CARS1: variants seen among roughly 807,000 people sequenced by gnomAD.
The protein encoded by CARS1 is cysteine--tRNA ligase, cytoplasmic.
In CARS1, 48 loss-of-function variants were observed where a neutral mutation model predicts 106.2. That is an observed-to-expected ratio of 0.45 (90% CI 0.36 to 0.57). The LOEUF is 0.57. Ranked by LOEUF, CARS1 falls within the 20% of genes least tolerant of loss-of-function variation. The pLI, the probability that CARS1 is intolerant of heterozygous loss-of-function variation, is 0.00. For missense variants in CARS1, 968 were observed against 1,057.2 expected (o/e 0.92, Z 1.17); for synonymous variants, 409 against 403.4 (o/e 1.01, Z -0.17).
chr11:3,024,449 A>ATT (rs144630252), intron 10 of CARS1, among the ~76,000 whole-genome samples: 2,272 of 151,314 alleles, frequency 0.015, 42 homozygotes, highest in African/African-American at 0.043. Flanking sequence ...TAAAAAAAAA[A>ATT]TTTTTTTAAT....
intron 18 of CARS1, among the ~76,000 whole-genome samples, chr11:3,010,990 T>TTAGCACAGCAGGTGATGGAG (rs1263224360): frequency 2.6e-5 from 4 of 152,142 alleles, no homozygotes; most frequent in African/African-American, 9.7e-5. Flanking sequence ...GGAGGGAGAA[T>TTAGCACAGCAGGTGATGGAG]TAGCACAGCA....
In CARS1 at chr11:3,018,502, A is replaced by T; in HGVS notation, c.1535T>A (p.Leu512Ter). 6.2e-7 allele frequency: 1 copy of T among 1,614,064 alleles called. No individual in the cohort carries two copies. Among genetic ancestry groups the T allele is most frequent in the Non-Finnish European group, 8.5e-7 (1 of 1,179,924 alleles). Residue 512 changes from leucine (L) to a stop codon, truncating the protein, a stop_gained, in exon 14 of 23, where the codon TTG becomes TAG. Coordinates refer to ENST00000380525, the MANE Select transcript of CARS1 (RefSeq NM_001014437.3). LOFTEE classifies it high-confidence loss of function. Reference sequence around the variant, plus strand: ...CGAGTGCATGAGGAAGGCCAGCCGCAACTGCCGTGCTGTGGGGGGACACAA... The same window carrying T: ...CGAGTGCATGAGGAAGGCCAGCCGCTACTGCCGTGCTGTGGGGGGACACAA... ...DALKKHSARQ[L>*]RLAFLMHSWK...
In CARS1 at chr11:3,038,170, C is replaced by A; in HGVS notation, c.681G>T (p.Thr227=). 1 of 1,614,032 alleles carries A rather than the reference C, an allele frequency of 6.2e-7. No homozygotes were observed. Among genetic ancestry groups the A allele is most frequent in the Non-Finnish European group, 8.5e-7 (1 of 1,179,948 alleles). The change falls in exon 7 of 23, where the codon ACG becomes ACT. Residue 227 remains threonine, a synonymous_variant. Transcript: ENST00000380525. This position sits in a 1 kb window ranked among gnomAD's most constrained non-coding sequence, Gnocchi z 4.0. ...KPFSVKLNET[T]DPDKKQMLER... Reference sequence around the variant, plus strand: ...CGAGCATCTGCTTTTTATCGGGATCCGTGGTCTCATTTAATTTTACTGAAA... The same window carrying A: ...CGAGCATCTGCTTTTTATCGGGATCAGTGGTCTCATTTAATTTTACTGAAA...
rs760222224 is a variant in CARS1 at position 3,017,312 on chromosome 11, A to T, written c.1728-17T>A. On this transcript the variant is annotated splice_polypyrimidine_tract_variant and intron_variant, in intron 15 of 22. Coordinates refer to ENST00000380525, the MANE Select transcript of CARS1 (RefSeq NM_001014437.3). The surrounding 1 kb of genome is among the most constrained non-coding windows in gnomAD (Gnocchi z 4.9). ...TCATAAAAGCTGAGCAACAAAGAGG[A>T]AGGAATGTGAAGTCAGACCTGAAAA... 1.2e-6 allele frequency: 2 copies of T among 1,606,112 alleles called. No homozygotes were observed. The highest frequency in any genetic ancestry group is 1.7e-6 in the Non-Finnish European group (2 of 1,173,542).
At position 3,028,011 on chromosome 11, in the gene CARS1, C is replaced by G; in HGVS notation, c.1031+985G>C. 3 of 362,920 alleles carry G rather than the reference C, an allele frequency of 8.3e-6. No individual in the cohort carries two copies. Among genetic ancestry groups the G allele is most frequent in the Non-Finnish European group, 1.7e-5 (3 of 179,870 alleles). 22.5% of individuals were successfully genotyped at this position (362,920 alleles called of 1,614,324 possible). On this transcript the variant is annotated intron_variant, in intron 9 of 22. Transcript: ENST00000380525. The surrounding 1 kb of genome is among the most constrained non-coding windows in gnomAD (Gnocchi z 4.4). Reference sequence around the variant, plus strand: ...CTGTGATGCTGTGCTTCAGCGGTCACGCTCCTAGTCCTCCTTCATGTTCCA... The same window carrying G: ...CTGTGATGCTGTGCTTCAGCGGTCAGGCTCCTAGTCCTCCTTCATGTTCCA...
At chr11:3,057,098 G>A (rs1325701477) in intron 1 of CARS1, among the ~76,000 whole-genome samples, 1 of 152,022 alleles carries the variant, frequency 6.6e-6, no homozygotes, top group Non-Finnish European at 1.5e-5. Flanking sequence ...CCCGGGCACT[G>A]ACACCCCTCA....
chr11:3,036,743 C>T (rs1853689781), intron 7 of CARS1, among the ~76,000 whole-genome samples: 1 of 152,176 alleles, frequency 6.6e-6, no homozygotes, highest in African/African-American at 2.4e-5. Flanking sequence ...AGCAGCATTA[C>T]TTGCATCTCC....
At position 3,053,321 on chromosome 11, in the gene CARS1, C is replaced by T. The variant is rs1207807162; in HGVS notation, c.25+4022G>A. Among the ~76,000 whole-genome samples the T allele has an allele frequency of 6.6e-6, 1 of 152,140 alleles. No individual in the cohort carries two copies. The highest frequency in any genetic ancestry group is 1.5e-5 in the Non-Finnish European group (1 of 68,040). On this transcript the variant is annotated intron_variant, in intron 1 of 22. Coordinates refer to ENST00000380525, the MANE Select transcript of CARS1 (RefSeq NM_001014437.3). This position sits in a 1 kb window ranked among gnomAD's most constrained non-coding sequence, Gnocchi z 6.6. The stretch of plus-strand genomic sequence containing the variant: ...TCTCGGCTCACTGCAAACTCTGCCT[C>T]CCGGGTTCAAGCGATTCTCCTGCCT...
intron 10 of CARS1, among the ~76,000 whole-genome samples, chr11:3,025,182 A>G (rs1851927650): frequency 6.6e-6 from 1 of 152,090 alleles, no homozygotes; most frequent in Non-Finnish European, 1.5e-5. Context: ...TTATGTGTCA[A>G]CCTGGCTATC....
At chr11:3,015,366 C>T (rs1267064285) in intron 17 of CARS1, among the ~76,000 whole-genome samples, 1 of 152,232 alleles carries the variant, frequency 6.6e-6, no homozygotes, top group Non-Finnish European at 1.5e-5. Flanking sequence ...GCGTATCTCC[C>T]CATCAGTGTA....
At chr11:3,013,694 C>CA (rs946521119) in intron 17 of CARS1, among the ~76,000 whole-genome samples, 19 of 150,686 alleles carry the variant, frequency 1.3e-4, no homozygotes, top group Non-Finnish European at 1.9e-4. Context: ...TACTAAAATA[C>CA]AAAAAAAAAT....
chr11:3,029,571 C>A lies in CARS1; in HGVS notation c.802-128G>T. The A allele has an allele frequency of 8.5e-6, 8 of 940,372 alleles. No individual in the cohort carries two copies. Among genetic ancestry groups the A allele is most frequent in the Non-Finnish European group, 1.3e-5 (8 of 631,296 alleles). The allele number at this position is 940,372 out of a possible 1,614,324, so 58.3% of individuals were successfully genotyped here. A position where few individuals can be genotyped will look rare whatever the true frequency, so the allele number is the denominator to read the frequency against. ...CTGACCTTGACCTGTGAAGAGCCAC[C>A]GTCTCCTAGGGAGACTGTGATGCTT... On this transcript the variant is annotated intron_variant, in intron 7 of 22. Coordinates refer to ENST00000380525, the MANE Select transcript of CARS1 (RefSeq NM_001014437.3). This position sits in a 1 kb window ranked among gnomAD's most constrained non-coding sequence, Gnocchi z 5.9.
intron 10 of CARS1, among the ~76,000 whole-genome samples, chr11:3,024,338 T>C (rs1439868890): frequency 6.6e-6 from 1 of 152,230 alleles, no homozygotes; most frequent in Non-Finnish European, 1.5e-5. Context: ...CCCACTGTGG[T>C]TTTCTTTCCT....
rs764328452 is a variant in CARS1 at position 3,001,176 on chromosome 11, C to T, written c.2434G>A (p.Glu812Lys). ...GQAKKLKKLF[E>K]AQEKLYKEYL... ...TCCTTGTAGAGCTTCTCCTGAGCCT[C>T]GAAGAGCTTCTTCAGCTTCTTGGCT... The change falls in exon 23 of 23, where the codon GAG becomes AAG. Residue 812 changes from glutamate (E) to lysine (K), a missense_variant. Glu to Lys is a moderately conservative substitution (Grantham distance 56). Coordinates refer to ENST00000380525, the MANE Select transcript of CARS1 (RefSeq NM_001014437.3). 9 of 1,614,084 alleles carry T rather than the reference C, an allele frequency of 5.6e-6. No homozygotes were observed. Among genetic ancestry groups the T allele is most frequent in the South Asian group, 3.3e-5 (3 of 91,082 alleles).
chr11:3,019,013 C>A lies in CARS1; in HGVS notation c.1395+126G>T. The A allele has an allele frequency of 1.0e-5, 12 of 1,205,182 alleles. No homozygotes were observed. The highest frequency in any genetic ancestry group is 1.6e-5 in the South Asian group (1 of 63,918). The allele number at this position is 1,205,182 out of a possible 1,614,324, so 74.7% of individuals were successfully genotyped here. A position where few individuals can be genotyped will look rare whatever the true frequency, so the allele number is the denominator to read the frequency against. On this transcript the variant is annotated intron_variant, in intron 12 of 22. Transcript: ENST00000380525. The surrounding 1 kb of genome is among the most constrained non-coding windows in gnomAD (Gnocchi z 6.2). Reference sequence around the variant, plus strand: ...ATGATCAGGGTTCAGATTCCACCCACAAGCCCCGATGAAGGTGTCAAGTTC... The same window carrying A: ...ATGATCAGGGTTCAGATTCCACCCAAAAGCCCCGATGAAGGTGTCAAGTTC...
At position 3,041,966 on chromosome 11, in the gene CARS1, G is replaced by C. The variant is rs145779285; in HGVS notation, c.366+199C>G. Among the ~76,000 whole-genome samples the C allele has an allele frequency of 2.2e-3, 341 of 152,276 alleles. 2 individuals are homozygous for C. The highest frequency in any genetic ancestry group is 7.8e-3 in the African/African-American group (323 of 41,554). Reference sequence around the variant, plus strand: ...TGAGGCATGATACTTCACGTGTCTGGGTTTCAGAGGACAGCTCTGCCTCTG... The same window carrying C: ...TGAGGCATGATACTTCACGTGTCTGCGTTTCAGAGGACAGCTCTGCCTCTG... On this transcript the variant is annotated intron_variant, in intron 3 of 22. Coordinates refer to ENST00000380525, the MANE Select transcript of CARS1 (RefSeq NM_001014437.3). This position sits in a 1 kb window ranked among gnomAD's most constrained non-coding sequence, Gnocchi z 4.9.
intron 1 of CARS1, among the ~76,000 whole-genome samples, chr11:3,056,675 C>G (rs1188561767): frequency 6.6e-6 from 1 of 152,216 alleles, no homozygotes; most frequent in East Asian, 1.9e-4. Context: ...CCCTAAATAC[C>G]AACCTCAGGT....
chr11:3,020,342 C>G lies in CARS1; in HGVS notation c.1154-10G>C, dbSNP rs185712179. 1 of 1,578,462 alleles carries G rather than the reference C, an allele frequency of 6.3e-7. No homozygotes were observed. Among genetic ancestry groups the G allele is most frequent in the African/African-American group, 1.3e-5 (1 of 74,208 alleles). On this transcript the variant is annotated splice_polypyrimidine_tract_variant and intron_variant, in intron 10 of 22. Coordinates refer to ENST00000380525, the MANE Select transcript of CARS1 (RefSeq NM_001014437.3). The surrounding 1 kb of genome is among the most constrained non-coding windows in gnomAD (Gnocchi z 4.6). ...GAGATGCTCAGGTCACCTGCAAACA[C>G]GAGGGACGCCAGGCAAGGTCACTCA...
At position 3,038,433 on chromosome 11, in the gene CARS1, C is replaced by T. The variant is rs1853974310; in HGVS notation, c.652-234G>A. On this transcript the variant is annotated intron_variant, in intron 6 of 22. Transcript: ENST00000380525. The surrounding 1 kb of genome is among the most constrained non-coding windows in gnomAD (Gnocchi z 4.0). ...ACCCTGGACAGGGCACCTAACCTCT[C>T]TGTGCCTCAGTTTCTCCAATGCAAA... Among the ~76,000 whole-genome samples, 1 of 152,168 alleles carries T rather than the reference C, an allele frequency of 6.6e-6. No individual in the cohort carries two copies. The highest frequency in any genetic ancestry group is 1.5e-5 in the Non-Finnish European group (1 of 68,040).
Sources: gnomAD v4.1 joint callset for allele counts (sites outside exome capture counted in the v4.1 genomes callset) on GRCh38, gnomAD v4.1.1 for gene constraint, Gnocchi (gnomAD v3.1) non-coding constraint, MANE v1.5 for transcripts, NCBI Gene and HGNC (gene_info 2026-07-23, HGNC 2026-07-21) for gene names.